SHISA9: variants seen among roughly 807,000 people sequenced by gnomAD.
SHISA9 encodes shisa family member 9.
Under a neutral mutation model 38.0 loss-of-function variants are expected in SHISA9, and 13 were observed. The ratio of observed to expected loss-of-function variants is 0.34; its 90% CI spans 0.22 to 0.54. The LOEUF is 0.54. Ranked by LOEUF, SHISA9 falls within the 20% of genes least tolerant of loss-of-function variation. SHISA9 has a pLI of 0.91. For missense variants in SHISA9, 538 were observed against 575.8 expected, an observed-to-expected ratio of 0.93 and a Z score of 0.67; for synonymous variants, 275 against 242.0, an observed-to-expected ratio of 1.14 and a Z score of -1.27.
At chr16:13,296,431 A>C in the SHISA9 span, among the ~76,000 whole-genome samples, 2 of 149,116 alleles carry the variant, frequency 1.3e-5, no homozygotes, top group Non-Finnish European at 3.0e-5. Flanking sequence ...CGCAGGGGGG[A>C]AAAAAACAGA....
At chr16:12,970,389 G>GTA (rs143875033) in intron 2 of SHISA9, among the ~76,000 whole-genome samples, 5,734 of 34,436 alleles carry the variant, frequency 0.17, 572 homozygotes, top group Admixed American at 0.2. Context: ...ATACATATAT[G>GTA]TATATATATA....
At chr16:13,510,269 C>T in the SHISA9 span, among the ~76,000 whole-genome samples, 2 of 152,170 alleles carry the variant, frequency 1.3e-5, no homozygotes, top group Non-Finnish European at 2.9e-5. Flanking sequence ...GATTGTGCCA[C>T]TATACACCAG....
the SHISA9 span, among the ~76,000 whole-genome samples, chr16:13,465,391 G>A: frequency 6.6e-6 from 1 of 152,188 alleles, no homozygotes; most frequent in Admixed American, 6.5e-5. Flanking sequence ...GAGGTCAAAG[G>A]AAAAGTCCAA....
intron 2 of SHISA9, among the ~76,000 whole-genome samples, chr16:13,011,928 C>T (rs187434833): frequency 2.4e-4 from 37 of 152,184 alleles, no homozygotes; most frequent in African/African-American, 7.0e-4. Flanking sequence ...CAGGTTCAAG[C>T]GATTCTCATG....
At chr16:13,465,705 A>G in the SHISA9 span, among the ~76,000 whole-genome samples, 1 of 152,222 alleles carries the variant, frequency 6.6e-6, no homozygotes, top group Non-Finnish European at 1.5e-5. Flanking sequence ...AGGCAGATCC[A>G]GGTTCAAGCC....
chr16:13,382,558 A>AG, the SHISA9 span, among the ~76,000 whole-genome samples: 1 of 150,086 alleles, frequency 6.7e-6, no homozygotes, highest in African/African-American at 2.4e-5. Context: ...AAGAAAGAAA[A>AG]GAAAAAAAAC....
At chr16:13,530,439 T>C in the SHISA9 span, among the ~76,000 whole-genome samples, 1 of 152,182 alleles carries the variant, frequency 6.6e-6, no homozygotes, top group Non-Finnish European at 1.5e-5. Context: ...GGGGTTATTG[T>C]GTGGATTAAA....
the SHISA9 span, among the ~76,000 whole-genome samples, chr16:13,275,811 C>T: frequency 1.2e-4 from 18 of 151,778 alleles, no homozygotes; most frequent in African/African-American, 4.1e-4. Flanking sequence ...CTGAAAATAA[C>T]CTCTCTTTCC....
chr16:13,427,702 G>A, the SHISA9 span, among the ~76,000 whole-genome samples: 1 of 152,070 alleles, frequency 6.6e-6, no homozygotes, highest in Non-Finnish European at 1.5e-5. Flanking sequence ...AAAGAGATGA[G>A]TAGAGACAGA....
chr16:13,175,873 C>T (rs2050727584), intron 2 of SHISA9, among the ~76,000 whole-genome samples: 1 of 152,098 alleles, frequency 6.6e-6, no homozygotes, highest in Non-Finnish European at 1.5e-5. Context: ...TGTGAGGAGA[C>T]CAAGCAAGAG....
At chr16:13,368,333 G>A in the SHISA9 span, among the ~76,000 whole-genome samples, 9 of 152,166 alleles carry the variant, frequency 5.9e-5, no homozygotes, top group East Asian at 3.9e-4. Flanking sequence ...ACTTCTCCAC[G>A]GGGGTTCAAC....
intron 2 of SHISA9, among the ~76,000 whole-genome samples, chr16:13,188,407 TC>T (rs1394115942): frequency 2.0e-5 from 3 of 152,174 alleles, no homozygotes; most frequent in Non-Finnish European, 2.9e-5. Context: ...GAGATGGACA[TC>T]CGTCCTGACC....
intron 2 of SHISA9, among the ~76,000 whole-genome samples, chr16:13,039,604 G>A (rs1875385): frequency 0.027 from 4,040 of 151,552 alleles, 111 homozygotes; most frequent in East Asian, 0.12. Context: ...TTACCCTCTG[G>A]AAGATGAATT....
the SHISA9 span, among the ~76,000 whole-genome samples, chr16:13,431,620 A>G: frequency 6.6e-6 from 1 of 152,042 alleles, no homozygotes; most frequent in African/African-American, 2.4e-5. Flanking sequence ...AGTTTACACG[A>G]TTTTTCTCAT....
At chr16:13,539,315 TATAAAGA>T in the SHISA9 span, among the ~76,000 whole-genome samples, 108 of 39,482 alleles carry the variant, frequency 2.7e-3, 22 homozygotes, top group East Asian at 0.31. Flanking sequence ...TATATATATA[TATAAAGA>T]CAGGATCTTT....
intron 2 of SHISA9, among the ~76,000 whole-genome samples, chr16:13,033,758 T>C (rs764236378): frequency 1.1e-4 from 16 of 152,190 alleles, no homozygotes; most frequent in Admixed American, 3.3e-4. Flanking sequence ...AAGGAAGTTC[T>C]TCCCAACTTG....
intron 2 of SHISA9, among the ~76,000 whole-genome samples, chr16:13,049,156 ATGTGTGTGTG>A (rs10526925): frequency 0.095 from 6,056 of 63,736 alleles, 207 homozygotes; most frequent in African/African-American, 0.26. Flanking sequence ...GGTTAGGAGT[ATGTGTGTGTG>A]TGTGTGTGTG....
intron 2 of SHISA9, among the ~76,000 whole-genome samples, chr16:12,994,266 G>T (rs2072428437): frequency 6.6e-6 from 1 of 152,192 alleles, no homozygotes; most frequent in Admixed American, 6.5e-5. Context: ...CAGAGTGTGA[G>T]CCACGGAAGC....
chr16:12,989,023 A>G (rs2072349844), intron 2 of SHISA9, among the ~76,000 whole-genome samples: 1 of 152,144 alleles, frequency 6.6e-6, no homozygotes, highest in Non-Finnish European at 1.5e-5. Flanking sequence ...ATGGAGCCAC[A>G]GCAGCTCAGA....
Sources: allele counts gnomAD v4.1 joint callset (sites outside exome capture counted in the v4.1 genomes callset), GRCh38; gene constraint gnomAD v4.1.1; transcripts MANE v1.5; gene names NCBI Gene and HGNC (gene_info 2026-07-23, HGNC 2026-07-21).